Variants in CACNA2D3 observed in about 807,000 individuals in gnomAD.
CACNA2D3 encodes voltage-dependent calcium channel subunit alpha-2/delta-3.
CACNA2D3 carries 60 observed loss-of-function variants against 160.6 expected under a neutral mutation model. The ratio of observed to expected loss-of-function variants is 0.37; its 90% CI spans 0.30 to 0.46. The LOEUF is 0.46. Among genes scored for constraint, CACNA2D3 ranks in the 20% least tolerant of loss-of-function variants. CACNA2D3 has a pLI of 1.00. For synonymous variants in CACNA2D3, 558 were observed against 492.9 expected (o/e 1.13, Z -1.75); for missense variants, 1,205 against 1,365.0 (o/e 0.88, Z 1.85).
chr3:54,724,117 C>T (rs1257747483), intron 11 of CACNA2D3, among the ~76,000 whole-genome samples: 5 of 152,108 alleles, frequency 3.3e-5, no homozygotes, highest in South Asian at 2.1e-4. Flanking sequence ...GAGTTGCAAT[C>T]CTAATGTCTG....
At chr3:54,479,957 T>G (rs1167254592) in intron 4 of CACNA2D3, among the ~76,000 whole-genome samples, 1 of 152,098 alleles carries the variant, frequency 6.6e-6, no homozygotes, top group Non-Finnish European at 1.5e-5. Context: ...TCTGTAAAAA[T>G]CCAGGAGAAT....
intron 27 of CACNA2D3, among the ~76,000 whole-genome samples, chr3:54,901,864 G>A (rs147600806): frequency 3.5e-3 from 540 of 152,176 alleles, no homozygotes; most frequent in Non-Finnish European, 5.5e-3. Flanking sequence ...AAAATAGAGC[G>A]GCCTCTTCAG....
chr3:54,968,844 GTTAC>G (rs1457313808), intron 28 of CACNA2D3, among the ~76,000 whole-genome samples: 1 of 152,106 alleles, frequency 6.6e-6, no homozygotes, highest in Non-Finnish European at 1.5e-5. Flanking sequence ...GTCGTGCCTG[GTTAC>G]TTACTTGTGA....
chr3:54,318,011 G>T (rs1703906144), intron 2 of CACNA2D3, among the ~76,000 whole-genome samples: 1 of 152,138 alleles, frequency 6.6e-6, no homozygotes, highest in Admixed American at 6.5e-5. Context: ...GAACTTTGGG[G>T]GACACATTCA....
intron 3 of CACNA2D3, among the ~76,000 whole-genome samples, chr3:54,329,768 T>C (rs1704203943): frequency 6.6e-6 from 1 of 152,190 alleles, no homozygotes; most frequent in African/African-American, 2.4e-5. Flanking sequence ...ATAATAATGA[T>C]AATAAAAGAC....
intron 10 of CACNA2D3, among the ~76,000 whole-genome samples, chr3:54,637,517 T>C (rs1414363475): frequency 1.3e-5 from 2 of 151,862 alleles, no homozygotes; most frequent in African/African-American, 2.4e-5. Flanking sequence ...TAAAGAGTAT[T>C]GTCTAAGTTG....
At chr3:54,984,227 C>CTGCA (rs1449032362) in intron 29 of CACNA2D3, among the ~76,000 whole-genome samples, 2 of 152,070 alleles carry the variant, frequency 1.3e-5, no homozygotes, top group East Asian at 3.9e-4. Context: ...TCAAAACAGC[C>CTGCA]TGCACTTCAA....
At chr3:55,015,273 A>G (rs1220895161) in intron 34 of CACNA2D3, among the ~76,000 whole-genome samples, 1 of 152,204 alleles carries the variant, frequency 6.6e-6, no homozygotes, top group Admixed American at 6.5e-5. Context: ...CCCAAGGTCA[A>G]ATTTTGGTTC....
At chr3:54,732,713 C>T (rs985783889) in intron 11 of CACNA2D3, among the ~76,000 whole-genome samples, 38 of 152,268 alleles carry the variant, frequency 2.5e-4, no homozygotes, top group African/African-American at 7.7e-4. Flanking sequence ...CTTAGGAAGT[C>T]CCACTGAATG....
In CACNA2D3 at chr3:54,885,589, G is replaced by A; in HGVS notation, c.2056+3G>A. 1 of 1,608,230 alleles carries A rather than the reference G, an allele frequency of 6.2e-7. No homozygotes were observed. The highest frequency in any genetic ancestry group is 1.1e-5 in the South Asian group (1 of 90,268). On this transcript the variant is annotated splice_donor_region_variant and intron_variant, in intron 23 of 37. Transcript: ENST00000474759. The stretch of plus-strand genomic sequence containing the variant: ...AGGCAAAGAACCTCTGCTCCAGTGT[G>A]AGTATGCTTTCAAAAGTGTGCTGTG...
At chr3:54,292,319 A>G (rs931320054) in intron 2 of CACNA2D3, among the ~76,000 whole-genome samples, 3 of 152,208 alleles carry the variant, frequency 2.0e-5, no homozygotes, top group African/African-American at 7.2e-5. Flanking sequence ...TGAAATAAAA[A>G]ATAAATACAT....
chr3:54,495,131 C>G (rs1391877080), intron 4 of CACNA2D3, among the ~76,000 whole-genome samples: 3 of 152,150 alleles, frequency 2.0e-5, no homozygotes, highest in Non-Finnish European at 4.4e-5. Context: ...TTGAGCGGTT[C>G]ATGGGCTGGT....
At chr3:54,978,269 T>C (rs189832466) in intron 29 of CACNA2D3, among the ~76,000 whole-genome samples, 1 of 152,346 alleles carries the variant, frequency 6.6e-6, no homozygotes. Context: ...GGAGTTGCTC[T>C]GGTTCAAACA....
chr3:54,172,599 G>C (rs1389659792), intron 2 of CACNA2D3, among the ~76,000 whole-genome samples: 2 of 152,194 alleles, frequency 1.3e-5, no homozygotes, highest in African/African-American at 4.8e-5. Context: ...GTAAACCTTA[G>C]TTCTAGAATA....
chr3:54,541,695 G>A (rs534209028), intron 5 of CACNA2D3, among the ~76,000 whole-genome samples: 48 of 152,336 alleles, frequency 3.2e-4, no homozygotes, highest in African/African-American at 1.1e-3. Context: ...GCCGGAGGAA[G>A]TGGAAAGCAT....
At position 55,020,452 on chromosome 3, in the gene CACNA2D3, AGTAT is replaced by A. The variant is rs1353679210; in HGVS notation, c.2987+2144_2987+2147del. Among the ~76,000 whole-genome samples the A allele has an allele frequency of 6.0e-5, 9 of 149,762 alleles. No individual in the cohort carries two copies. The East Asian group carries it at 1.7e-3, about 29-fold the overall frequency. On this transcript the variant is annotated intron_variant, in intron 35 of 37. Transcript: ENST00000474759. ...AATCTAGTATATATTACATATGTAT[AGTAT>A]GTATGTATTACATACTTTATATGTA...
intron 11 of CACNA2D3, among the ~76,000 whole-genome samples, chr3:54,642,616 C>G (rs145495703): frequency 1.1e-4 from 17 of 152,212 alleles, no homozygotes; most frequent in African/African-American, 3.9e-4. Flanking sequence ...GCAGGCCTCT[C>G]CTTTACATAT....
chr3:54,579,856 A>G (rs1479259876), intron 8 of CACNA2D3, among the ~76,000 whole-genome samples: 1 of 152,220 alleles, frequency 6.6e-6, no homozygotes, highest in Non-Finnish European at 1.5e-5. Context: ...AATGTCATAA[A>G]TATATTTTTT....
Position 54,838,594 on chromosome 3 carries a change from G to T in CACNA2D3, c.1497G>T (p.Val499=). ...GATCGAAGGGCATTCTTCTGGGAGT[G>T]GTTGGCACAGATGTCCCAGTGAAAG... ...ETRSKGILLG[V]VGTDVPVKEL... is the part of the protein sequence containing the mutation. Residue 499 remains valine, a synonymous_variant, in exon 16 of 38, where the codon GTG becomes GTT. Coordinates refer to ENST00000474759, the MANE Select transcript of CACNA2D3 (RefSeq NM_018398.3). 1 of 1,613,610 alleles carries T rather than the reference G, an allele frequency of 6.2e-7. No individual in the cohort carries two copies. The highest frequency in any genetic ancestry group is 1.1e-5 in the South Asian group (1 of 91,064).
Sources: allele counts gnomAD v4.1 joint callset (sites outside exome capture counted in the v4.1 genomes callset), GRCh38; gene constraint gnomAD v4.1.1; transcripts MANE v1.5; gene names NCBI Gene and HGNC (gene_info 2026-07-23, HGNC 2026-07-21).